Variants in SLIT2 observed in about 807,000 individuals in gnomAD.
SLIT2 encodes slit homolog 2 protein.
SLIT2 carries 41 observed loss-of-function variants against 185.7 expected under a neutral mutation model. The ratio of observed to expected loss-of-function variants is 0.22; its 90% CI spans 0.17 to 0.29. SLIT2 has a LOEUF of 0.29. Among genes scored for constraint, SLIT2 ranks in the 10% least tolerant of loss-of-function variants. The pLI, the probability that SLIT2 is intolerant of heterozygous loss-of-function variation, is 1.00. For missense variants in SLIT2, 1,571 were observed against 1,909.0 expected, an observed-to-expected ratio of 0.82 and a Z score of 3.30; for synonymous variants, 693 against 680.2, an observed-to-expected ratio of 1.02 and a Z score of -0.29.
chr4:20,334,714 G>A (rs915174564), intron 4 of SLIT2, among the ~76,000 whole-genome samples: 1 of 152,094 alleles, frequency 6.6e-6, no homozygotes, highest in Admixed American at 6.6e-5. Flanking sequence ...TTGTACCTCA[G>A]TTTTTCATAG....
chr4:20,543,745 G>T (rs1053996990), intron 21 of SLIT2, among the ~76,000 whole-genome samples: 2 of 152,030 alleles, frequency 1.3e-5, no homozygotes, highest in African/African-American at 4.8e-5. Flanking sequence ...AGAGGAAAAA[G>T]GCACAAACTT....
At chr4:20,294,752 G>C (rs973805026) in intron 4 of SLIT2, among the ~76,000 whole-genome samples, 1 of 152,126 alleles carries the variant, frequency 6.6e-6, no homozygotes, top group South Asian at 2.1e-4. Context: ...TTAATGAAAG[G>C]TAGATAGCCA....
rs574816424 is a variant in SLIT2, at chr4:20,421,803, G to A, written c.396-45949G>A. On this transcript the variant is annotated intron_variant, in intron 4 of 36. Transcript: ENST00000504154. Reference sequence around the variant, plus strand: ...TCTAAGCATTTTGCAATTCTTAACGGAATGTTTTCTTTGCCTCCCTCCTTC... The same window carrying A: ...TCTAAGCATTTTGCAATTCTTAACGAAATGTTTTCTTTGCCTCCCTCCTTC... Among the ~76,000 whole-genome samples, 80 of 152,288 alleles carry A rather than the reference G, an allele frequency of 5.3e-4. No individual in the cohort carries two copies. The South Asian group carries it at 0.014, about 27-fold the overall frequency.
Position 20,619,084 on chromosome 4 carries a change from A to G in SLIT2, c.*75A>G. 2.1e-6 allele frequency: 3 copies of G among 1,411,802 alleles called. No individual in the cohort carries two copies. The highest frequency in any genetic ancestry group is 2.9e-6 in the Non-Finnish European group (3 of 1,029,202). The allele number at this position is 1,411,802 out of a possible 1,614,324, so 87.5% of individuals were successfully genotyped here. ...CGTGTGGGACTAATGAATGCTTCATAGTGGAAATATTTGAAATATATTGTA... is the reference window on the plus strand; with the variant it reads ...CGTGTGGGACTAATGAATGCTTCATGGTGGAAATATTTGAAATATATTGTA... On this transcript the variant is annotated 3_prime_UTR_variant, in exon 37 of 37. Transcript: ENST00000504154.
At chr4:20,531,104 G>A (rs2148861204) in intron 16 of SLIT2, among the ~76,000 whole-genome samples, 1 of 152,166 alleles carries the variant, frequency 6.6e-6, no homozygotes, top group East Asian at 1.9e-4. Flanking sequence ...TTTACCATGT[G>A]ATCCAGCAAT....
At chr4:20,406,602 C>G (rs895291129) in intron 4 of SLIT2, among the ~76,000 whole-genome samples, 2 of 143,822 alleles carry the variant, frequency 1.4e-5, no homozygotes, top group African/African-American at 4.9e-5. Flanking sequence ...AGTGACATAC[C>G]ATCACTTATC....
chr4:20,285,902 A>G (rs1288969990), intron 4 of SLIT2, among the ~76,000 whole-genome samples: 1 of 152,220 alleles, frequency 6.6e-6, no homozygotes, highest in Non-Finnish European at 1.5e-5. Flanking sequence ...TTCTGACTGG[A>G]GGAAGTGGTG....
intron 4 of SLIT2, among the ~76,000 whole-genome samples, chr4:20,276,041 G>A (rs949465292): frequency 6.6e-6 from 1 of 152,000 alleles, no homozygotes; most frequent in Non-Finnish European, 1.5e-5. Flanking sequence ...TGTTAGCTTT[G>A]TAATATGTAC....
intron 4 of SLIT2, among the ~76,000 whole-genome samples, chr4:20,343,000 TTTG>T: frequency 6.6e-6 from 1 of 152,082 alleles, no homozygotes; most frequent in Non-Finnish European, 1.5e-5. Context: ...CATCTGAAAT[TTTG>T]TTACATGCAT....
At chr4:20,339,168 T>C (rs1454309639) in intron 4 of SLIT2, among the ~76,000 whole-genome samples, 4 of 151,950 alleles carry the variant, frequency 2.6e-5, no homozygotes, top group Admixed American at 2.6e-4. Context: ...CTGTACATTC[T>C]GTATGGATTA....
chr4:20,555,441 C>G (rs1238785568), intron 26 of SLIT2, among the ~76,000 whole-genome samples: 1 of 151,922 alleles, frequency 6.6e-6, no homozygotes, highest in Non-Finnish European at 1.5e-5. Flanking sequence ...CCTCGGTTTC[C>G]TCATTGTAAG....
chr4:20,263,386 A>C (rs552074804), intron 3 of SLIT2, among the ~76,000 whole-genome samples: 2 of 151,850 alleles, frequency 1.3e-5, no homozygotes, highest in Non-Finnish European at 2.9e-5. Flanking sequence ...TGCAATGTCC[A>C]TACACTCTGA....
At chr4:20,469,871 T>G (rs1426055662) in intron 5 of SLIT2, among the ~76,000 whole-genome samples, 1 of 146,842 alleles carries the variant, frequency 6.8e-6, no homozygotes, top group Non-Finnish European at 1.5e-5. Context: ...TTCTTCTGCC[T>G]CAGCCTCCTG....
At chr4:20,424,903 T>C (rs1289145225) in intron 4 of SLIT2, among the ~76,000 whole-genome samples, 1 of 152,158 alleles carries the variant, frequency 6.6e-6, no homozygotes, top group Non-Finnish European at 1.5e-5. Flanking sequence ...TTTACTAATA[T>C]CAGATTTGCA....
Position 20,270,243 on chromosome 4 carries a change from T to G in SLIT2, c.395+1362T>G, listed in dbSNP as rs561783499. On this transcript the variant is annotated intron_variant, in intron 4 of 36. Transcript: ENST00000504154. ...TCTAAAAAGGGCCATAGAATTGGTT[T>G]TGATAGTATTTCACTTTCACCTTTA... 2.6e-5 allele frequency among the ~76,000 whole-genome samples: 4 copies of G among 152,078 alleles called. No homozygotes were observed. In the East Asian group the frequency reaches 7.7e-4, roughly 29 times the overall value.
Position 20,567,522 on chromosome 4 carries a change from A to G in SLIT2, c.2855A>G (p.Gln952Arg), listed in dbSNP as rs753990434. 4.3e-6 allele frequency: 7 copies of G among 1,613,100 alleles called. No homozygotes were observed. The highest frequency in any genetic ancestry group is 5.1e-6 in the Non-Finnish European group (6 of 1,179,390). Reference sequence around the variant, plus strand: ...TACTTGCCCCTTCTTCTCCAGGGGCAGGACTGTGATGTCCCAATTCATGCC... The same window carrying G: ...TACTTGCCCCTTCTTCTCCAGGGGCGGGACTGTGATGTCCCAATTCATGCC... ...RCTCPYGFKG[Q>R]DCDVPIHACI... Residue 952 changes from glutamine (Q) to arginine (R), a missense_variant, in exon 28 of 37, where the codon CAG becomes CGG. This residue lies in a region of SLIT2 where 1,202 missense variants were observed against 1,416.4 expected (regional missense o/e 0.85). Coordinates refer to ENST00000504154, the MANE Select transcript of SLIT2 (RefSeq NM_004787.4).
At chr4:20,362,946 G>T (rs1722855463) in intron 4 of SLIT2, among the ~76,000 whole-genome samples, 1 of 151,578 alleles carries the variant, frequency 6.6e-6, no homozygotes, top group Non-Finnish European at 1.5e-5. Context: ...TTAAAAAAGG[G>T]ATTTTAATGT....
intron 4 of SLIT2, among the ~76,000 whole-genome samples, chr4:20,418,953 T>C (rs138277221): frequency 1.1e-3 from 166 of 152,354 alleles, no homozygotes; most frequent in Admixed American, 5.9e-3. Context: ...TATTGGAATT[T>C]TTTAGTGAAC....
chr4:20,406,158 A>T (rs1172842709), intron 4 of SLIT2, among the ~76,000 whole-genome samples: 1 of 144,406 alleles, frequency 6.9e-6, no homozygotes, highest in African/African-American at 2.4e-5. Flanking sequence ...AAAAAAATTA[A>T]TTACATGTAG....
Sources: allele counts gnomAD v4.1 joint callset (sites outside exome capture counted in the v4.1 genomes callset), GRCh38; gene constraint gnomAD v4.1.1; regional missense constraint gnomAD v4.1.1; transcripts MANE v1.5; gene names NCBI Gene and HGNC (gene_info 2026-07-23, HGNC 2026-07-21).